PLD5: variants seen among roughly 807,000 people sequenced by gnomAD.
The protein encoded by PLD5 is phospholipase D family member 5.
A neutral mutation model predicts 61.1 loss-of-function variants in PLD5; 36 were observed. The observed-to-expected ratio is 0.59, with a 90% CI of 0.45 to 0.78. The LOEUF is 0.78. PLD5 is among the 30% of genes least tolerant of loss of function. PLD5 has a pLI of 0.00. For synonymous variants in PLD5, 243 were observed against 242.8 expected (o/e 1.00, Z -0.01); for missense variants, 515 against 644.4 (o/e 0.80, Z 2.17).
At chr1:242,397,329 T>A (rs562378138) in intron 1 of PLD5, among the ~76,000 whole-genome samples, 1 of 138,126 alleles carries the variant, frequency 7.2e-6, no homozygotes, top group Non-Finnish European at 1.5e-5. Flanking sequence ...TATCCTTGAC[T>A]TCTGTTTTTT....
chr1:242,455,062 A>G (rs1280020058), intron 1 of PLD5, among the ~76,000 whole-genome samples: 1 of 152,222 alleles, frequency 6.6e-6, no homozygotes, highest in Admixed American at 6.5e-5. Flanking sequence ...AATGCCTCCC[A>G]GCAGAAACGA....
intron 1 of PLD5, among the ~76,000 whole-genome samples, chr1:242,447,489 G>C (rs1666592333): frequency 6.6e-6 from 1 of 152,200 alleles, no homozygotes; most frequent in African/African-American, 2.4e-5. Context: ...TAAAATGAAA[G>C]GTGAAATATG....
chr1:242,438,473 T>C, intron 1 of PLD5, among the ~76,000 whole-genome samples: 1 of 146,900 alleles, frequency 6.8e-6, no homozygotes, highest in Admixed American at 6.8e-5. Context: ...AGATGGAGTT[T>C]CACTCTTGTC....
At chr1:242,165,515 A>ATGTC (rs1666247488) in intron 5 of PLD5, among the ~76,000 whole-genome samples, 1 of 152,066 alleles carries the variant, frequency 6.6e-6, no homozygotes, top group Non-Finnish European at 1.5e-5. Context: ...GAAAAAAAGC[A>ATGTC]TGTCTCAAAC....
chr1:242,095,491 C>A (rs916895904), intron 9 of PLD5, among the ~76,000 whole-genome samples: 1 of 151,992 alleles, frequency 6.6e-6, no homozygotes, highest in Non-Finnish European at 1.5e-5. Flanking sequence ...CTCAGACTCC[C>A]AAAGTGCTGG....
rs368380716 is a variant in PLD5 at position 242,470,927 on chromosome 1, T to C, written c.189+53161A>G. Among the ~76,000 whole-genome samples, 5 of 152,342 alleles carry C rather than the reference T, an allele frequency of 3.3e-5. No individual in the cohort carries two copies. The South Asian group carries it at 8.3e-4, about 25-fold the overall frequency. ...CTCAGGCGCTCCCCTTTGAGGTTAG[T>C]GGGCTCCTCAAACACCAGTCCTTGT... On this transcript the variant is annotated intron_variant, in intron 1 of 9. Coordinates refer to ENST00000536534, the MANE Select transcript of PLD5 (RefSeq NM_001372062.1).
intron 1 of PLD5, among the ~76,000 whole-genome samples, chr1:242,496,561 T>C (rs1429299095): frequency 2.0e-5 from 3 of 152,242 alleles, no homozygotes; most frequent in African/African-American, 7.2e-5. Flanking sequence ...TGCGAGATTG[T>C]TTCTATCAGA....
At chr1:242,137,642 G>C (rs1160029572) in intron 5 of PLD5, among the ~76,000 whole-genome samples, 7 of 152,070 alleles carry the variant, frequency 4.6e-5, no homozygotes, top group Admixed American at 4.6e-4. Context: ...AAGATTCTTT[G>C]GGGAGAACCA....
rs557271151 is a variant in PLD5, at chr1:242,114,952, G to A, written c.934-926C>T. Among the ~76,000 whole-genome samples, 272 of 152,218 alleles carry A rather than the reference G, an allele frequency of 1.8e-3. 1 individual carries two copies. Among genetic ancestry groups the A allele is most frequent in the African/African-American group, 6.3e-3 (263 of 41,534 alleles). ...AGCGCTTTGGGAGGCTGAGGTGGCC[G>A]GATCACCTGAGGTCAGGAGTTCAAG... is the stretch of plus-strand genomic sequence containing the variant. On this transcript the variant is annotated intron_variant, in intron 6 of 9. Coordinates refer to ENST00000536534, the MANE Select transcript of PLD5 (RefSeq NM_001372062.1).
chr1:242,107,568 G>A, intron 8 of PLD5, 103 bp downstream of exon 8: 1 of 1,129,780 alleles, frequency 8.9e-7, no homozygotes, highest in Non-Finnish European at 1.2e-6. Flanking sequence ...TTGCCGTCCT[G>A]GTTCTTACTG....
At position 242,260,346 on chromosome 1, in the gene PLD5, C is replaced by CAAAA. The variant is rs58683643; in HGVS notation, c.607+4987_607+4990dup. 3.4e-4 allele frequency among the ~76,000 whole-genome samples: 41 copies of CAAAA among 120,366 alleles called. 2 individuals carry two copies. The South Asian group carries it at 0.01, about 30-fold the overall frequency. The allele number at this position is 120,366 out of a possible 152,430, so 79.0% of individuals were successfully genotyped here. A position where few individuals can be genotyped will look rare whatever the true frequency, so the allele number is the denominator to read the frequency against. Reference sequence around the variant, plus strand: ...TGGGTGACAGAGTGAGACTCCGTCTCAAAAAAAAAAAAAAAGAATTGTCAC... The same window carrying CAAAA: ...TGGGTGACAGAGTGAGACTCCGTCTCAAAAAAAAAAAAAAAAAAAGAATTGTCAC... On this transcript the variant is annotated intron_variant, in intron 4 of 9. Coordinates refer to ENST00000536534, the MANE Select transcript of PLD5 (RefSeq NM_001372062.1).
At chr1:242,433,638 G>T (rs1245960848) in intron 1 of PLD5, among the ~76,000 whole-genome samples, 1 of 152,176 alleles carries the variant, frequency 6.6e-6, no homozygotes, top group Non-Finnish European at 1.5e-5. Context: ...TTCTGGAGAA[G>T]CTAATGCTTA....
intron 1 of PLD5, among the ~76,000 whole-genome samples, chr1:242,415,005 A>G (rs1558546349): frequency 6.6e-6 from 1 of 152,240 alleles, no homozygotes; most frequent in Non-Finnish European, 1.5e-5. Context: ...AAAAGGATTC[A>G]ATTTCATTCC....
At chr1:242,397,688 C>A (rs1050971979) in intron 1 of PLD5, among the ~76,000 whole-genome samples, 1 of 152,032 alleles carries the variant, frequency 6.6e-6, no homozygotes, top group Admixed American at 6.6e-5. Flanking sequence ...TACCTAGTTA[C>A]TTTAAGACTA....
At chr1:242,158,977 T>C (rs1665614526) in intron 5 of PLD5, among the ~76,000 whole-genome samples, 1 of 152,202 alleles carries the variant, frequency 6.6e-6, no homozygotes, top group South Asian at 2.1e-4. Flanking sequence ...GCATCAGTTT[T>C]AGCATGTTAT....
rs1558344571 is a variant in PLD5 at position 242,207,920 on chromosome 1, A to ATTTATATATATT, written c.735+12056_735+12067dup. On this transcript the variant is annotated intron_variant, in intron 5 of 9. Transcript: ENST00000536534. ...TTTATATATTTATATATATTTATAT[A>ATTTATATATATT]TTTATATATATTTATATATTTATAT... 3.6e-3 allele frequency among the ~76,000 whole-genome samples: 35 copies of ATTTATATATATT among 9,654 alleles called. 9 individuals are homozygous for ATTTATATATATT. The highest frequency in any genetic ancestry group is 0.021 in the African/African-American group (35 of 1,638). The allele number at this position is 9,654 out of a possible 152,430, so 6.3% of individuals were successfully genotyped here.
intron 2 of PLD5, among the ~76,000 whole-genome samples, chr1:242,297,019 ATTAT>A (rs1675696836): frequency 1.3e-5 from 2 of 152,110 alleles, no homozygotes; most frequent in Non-Finnish European, 2.9e-5. Flanking sequence ...TGACCATTCT[ATTAT>A]TTGTTAGTTG....
chr1:242,384,647 G>T (rs540114536), intron 1 of PLD5, among the ~76,000 whole-genome samples: 10 of 152,228 alleles, frequency 6.6e-5, no homozygotes, highest in South Asian at 6.2e-4. Context: ...AACAATCTAC[G>T]CAAACTGTAG....
intron 1 of PLD5, among the ~76,000 whole-genome samples, chr1:242,515,131 T>A (rs1359294196): frequency 3.3e-5 from 5 of 152,280 alleles, no homozygotes; most frequent in African/African-American, 1.2e-4. Flanking sequence ...TTCGTGCCCA[T>A]TTTACCCTCA....
Sources: gnomAD v4.1 joint callset for allele counts (sites outside exome capture counted in the v4.1 genomes callset) on GRCh38, gnomAD v4.1.1 for gene constraint, MANE v1.5 for transcripts, NCBI Gene and HGNC (gene_info 2026-07-23, HGNC 2026-07-21) for gene names.